KLF12: variants seen among roughly 807,000 people sequenced by gnomAD.
KLF12 encodes Krueppel-like factor 12.
KLF12 carries 9 observed loss-of-function variants against 37.8 expected under a neutral mutation model. The observed-to-expected ratio is 0.24, with a 90% CI of 0.14 to 0.42. The LOEUF is 0.42. Ranked by LOEUF, KLF12 falls within the 10% of genes least tolerant of loss-of-function variation. The pLI, the probability that KLF12 is intolerant of heterozygous loss-of-function variation, is 1.00. For synonymous variants in KLF12, 208 were observed against 202.1 expected (o/e 1.03, Z -0.25); for missense variants, 411 against 516.0 (o/e 0.80, Z 1.97).
chr13:73,980,402 A>G (rs1891660886), intron 2 of KLF12, among the ~76,000 whole-genome samples: 1 of 152,184 alleles, frequency 6.6e-6, no homozygotes, highest in Admixed American at 6.5e-5. Context: ...TTTAAAAGTT[A>G]CAGCCAATCT....
intron 4 of KLF12, among the ~76,000 whole-genome samples, chr13:73,830,991 TAC>T (rs71115618): frequency 0.02 from 2,338 of 118,870 alleles, 18 homozygotes; most frequent in South Asian, 0.026. Flanking sequence ...ACGCAATTCA[TAC>T]ACACACACAC....
At chr13:74,126,093 GCA>G (rs1877925660) in intron 1 of KLF12, among the ~76,000 whole-genome samples, 1 of 152,096 alleles carries the variant, frequency 6.6e-6, no homozygotes, top group Non-Finnish European at 1.5e-5. Flanking sequence ...AGTGCATATA[GCA>G]CATATGTGCT....
intron 1 of KLF12, among the ~76,000 whole-genome samples, chr13:74,061,033 T>C (rs926139763): frequency 6.6e-6 from 1 of 152,196 alleles, no homozygotes; most frequent in Non-Finnish European, 1.5e-5. Flanking sequence ...TCCAATACTT[T>C]CAACACAAAC....
intron 2 of KLF12, chr13:73,961,997 C>T (rs541449980): frequency 4.4e-6 from 2 of 455,358 alleles, no homozygotes; most frequent in Admixed American, 2.4e-5. Flanking sequence ...TTGGAATTTA[C>T]TCAAATGAAC....
the KLF12 span, among the ~76,000 whole-genome samples, chr13:74,279,737 C>G: frequency 8.2e-4 from 124 of 152,038 alleles, no homozygotes; most frequent in East Asian, 0.01. Context: ...GGTGGTTGTC[C>G]CATAGTGGAC....
chr13:73,919,228 C>T (rs537117482), intron 3 of KLF12, among the ~76,000 whole-genome samples: 1 of 152,226 alleles, frequency 6.6e-6, no homozygotes, highest in African/African-American at 2.4e-5. Flanking sequence ...AAGGGAGCTC[C>T]TAAAGTGTCA....
chr13:74,029,326 G>A (rs1893057090), intron 1 of KLF12, among the ~76,000 whole-genome samples: 1 of 151,894 alleles, frequency 6.6e-6, no homozygotes, highest in Non-Finnish European at 1.5e-5. Flanking sequence ...TGAAATGCAG[G>A]ATTTGTTAAA....
chr13:73,975,916 G>A (rs772937025), intron 2 of KLF12, among the ~76,000 whole-genome samples: 6 of 152,072 alleles, frequency 3.9e-5, no homozygotes, highest in Non-Finnish European at 5.9e-5. Flanking sequence ...GGGCGATCCC[G>A]CTATGTGCAG....
At chr13:73,817,324 A>AAAAAAAGAAAAAG (rs1184659945) in intron 4 of KLF12, among the ~76,000 whole-genome samples, 2 of 97,778 alleles carry the variant, frequency 2.0e-5, no homozygotes, top group African/African-American at 6.2e-5. Context: ...GTTTCAAAAA[A>AAAAAAAGAAAAAG]AAAAGAAAAG....
At chr13:74,022,326 C>T (rs1223225025) in intron 1 of KLF12, among the ~76,000 whole-genome samples, 1 of 151,310 alleles carries the variant, frequency 6.6e-6, no homozygotes, top group African/African-American at 2.5e-5. Flanking sequence ...CAGAAAAAAA[C>T]ATAATTATAC....
At chr13:74,029,991 TTATAAG>T (rs1363279572) in intron 1 of KLF12, among the ~76,000 whole-genome samples, 1 of 152,124 alleles carries the variant, frequency 6.6e-6, no homozygotes, top group Non-Finnish European at 1.5e-5. Flanking sequence ...CTGTATTTTC[TTATAAG>T]TATATGTGAA....
intron 4 of KLF12, among the ~76,000 whole-genome samples, chr13:73,843,555 C>T (rs1884858391): frequency 6.6e-6 from 1 of 152,166 alleles, no homozygotes; most frequent in South Asian, 2.1e-4. Flanking sequence ...GATCTGCCCA[C>T]ATCGGCCTCC....
At chr13:74,088,149 G>A (rs1875426840) in intron 1 of KLF12, among the ~76,000 whole-genome samples, 1 of 152,070 alleles carries the variant, frequency 6.6e-6, no homozygotes, top group Non-Finnish European at 1.5e-5. Flanking sequence ...TTGGCCCAAA[G>A]ACAAAGCAAT....
At chr13:74,291,265 T>A in the KLF12 span, among the ~76,000 whole-genome samples, 1 of 152,214 alleles carries the variant, frequency 6.6e-6, no homozygotes, top group African/African-American at 2.4e-5. Flanking sequence ...CACTACCTTA[T>A]AATGAAGCTG....
chr13:73,920,032 G>A (rs891606812), intron 3 of KLF12, among the ~76,000 whole-genome samples: 2 of 151,996 alleles, frequency 1.3e-5, no homozygotes, highest in Non-Finnish European at 2.9e-5. Flanking sequence ...CTCTCCGTTC[G>A]GGTGCTCTAC....
intron 3 of KLF12, among the ~76,000 whole-genome samples, chr13:73,895,405 C>A (rs1050989952): frequency 6.6e-6 from 1 of 152,214 alleles, no homozygotes; most frequent in African/African-American, 2.4e-5. Flanking sequence ...GACAACCAGG[C>A]AACACTGTTC....
At chr13:74,106,737 T>A (rs558787929) in intron 1 of KLF12, among the ~76,000 whole-genome samples, 6 of 152,272 alleles carry the variant, frequency 3.9e-5, no homozygotes. Context: ...ACAACTATTG[T>A]TAGGTATTTT....
chr13:73,788,365 C>A (rs1004481486), intron 5 of KLF12, among the ~76,000 whole-genome samples: 2 of 152,178 alleles, frequency 1.3e-5, no homozygotes, highest in Non-Finnish European at 2.9e-5. Context: ...TTATAAGGAT[C>A]TTTTTGTTCC....
intron 3 of KLF12, among the ~76,000 whole-genome samples, chr13:73,936,205 A>G (rs9592950): frequency 0.055 from 8,345 of 152,234 alleles, 297 homozygotes; most frequent in African/African-American, 0.1. Context: ...TACATCATTC[A>G]GCACTAGATC....
Sources: gnomAD v4.1 joint callset for allele counts (sites outside exome capture counted in the v4.1 genomes callset) on GRCh38, gnomAD v4.1.1 for gene constraint, MANE v1.5 for transcripts, NCBI Gene and HGNC (gene_info 2026-07-23, HGNC 2026-07-21) for gene names.